The following CSMD2 variants were observed in gnomAD, a reference collection of about 807,000 sequenced individuals.
CSMD2 encodes the protein CUB and Sushi multiple domains 2.
In CSMD2, 130 loss-of-function variants were observed where a neutral mutation model predicts 398.5. The ratio of observed to expected loss-of-function variants is 0.33; its 90% CI spans 0.28 to 0.38. The LOEUF (loss-of-function observed/expected upper bound fraction) is 0.38. CSMD2 is among the 10% of genes least tolerant of loss of function. The probability of loss-of-function intolerance (pLI) is 1.00; values close to 1 mark genes in which losing one functional copy is unlikely to be tolerated. For synonymous variants in CSMD2, 1,828 were observed against 1,908.5 expected, an observed-to-expected ratio of 0.96 and a Z score of 1.10; for missense variants, 3,829 against 4,764.9, an observed-to-expected ratio of 0.80 and a Z score of 5.78.
intron 41 of CSMD2, among the ~76,000 whole-genome samples, chr1:33,609,414 G>A (rs114494069): frequency 2.0e-5 from 3 of 152,230 alleles, no homozygotes; most frequent in Non-Finnish European, 4.4e-5. Context: ...ATATAGGATG[G>A]TACTATTTAT....
intron 28 of CSMD2, among the ~76,000 whole-genome samples, chr1:33,648,635 A>G (rs528088258): frequency 6.6e-6 from 1 of 152,304 alleles, no homozygotes; most frequent in African/African-American, 2.4e-5. Flanking sequence ...GAATGATAAC[A>G]TCTGCTTCTT....
rs16835591 is a variant in CSMD2, at chr1:33,559,328, T to C, written c.8526A>G (p.Gln2842=). 0.16 allele frequency: 244,807 copies of C among 1,535,386 alleles called. 21,239 individuals are homozygous for C. Among genetic ancestry groups the C allele is most frequent in the East Asian group, 0.28 (11,287 of 40,882 alleles). ...TGCAGGTGGGCAGCATGTCACTCCATTGCCCGCTGGCCAGGCATTGGGACC... is the reference window on the plus strand; with the variant it reads ...TGCAGGTGGGCAGCATGTCACTCCACTGCCCGCTGGCCAGGCATTGGGACC... ...AARSQCLASG[Q]WSDMLPTCRI... is the part of the protein sequence containing the mutation. Residue 2842 remains glutamine (Q), a synonymous_variant, in exon 54 of 71, where the codon CAA becomes CAG. Coordinates refer to ENST00000373381, the MANE Select transcript of CSMD2 (RefSeq NM_001281956.2). The surrounding 1 kb of genome is among the most constrained non-coding windows in gnomAD (Gnocchi z 4.0).
intron 5 of CSMD2, among the ~76,000 whole-genome samples, chr1:33,901,851 T>A (rs1258914439): frequency 6.6e-6 from 1 of 152,210 alleles, no homozygotes. Flanking sequence ...ACCAAACCTA[T>A]ACGTCAAACA....
chr1:33,651,396 T>C (rs1356884383), intron 28 of CSMD2, among the ~76,000 whole-genome samples: 1 of 152,206 alleles, frequency 6.6e-6, no homozygotes, highest in Non-Finnish European at 1.5e-5. Context: ...ACATGCTCAT[T>C]TGCAGTGTCT....
chr1:33,554,184 CCTT>C (rs1191195835), intron 55 of CSMD2, among the ~76,000 whole-genome samples: 2 of 131,292 alleles, frequency 1.5e-5, no homozygotes, highest in African/African-American at 5.9e-5. Flanking sequence ...GAAAAAACAG[CCTT>C]TTTTTTTTTT....
At chr1:34,026,647 T>C (rs1649685610) in intron 3 of CSMD2, among the ~76,000 whole-genome samples, 1 of 152,238 alleles carries the variant, frequency 6.6e-6, no homozygotes, top group Non-Finnish European at 1.5e-5. Flanking sequence ...CTCATTGGCA[T>C]TTCTGATCTG....
chr1:34,004,778 C>A (rs1315077206), intron 3 of CSMD2, among the ~76,000 whole-genome samples: 3 of 152,004 alleles, frequency 2.0e-5, no homozygotes, highest in Non-Finnish European at 4.4e-5. Context: ...ATTCCTATGG[C>A]CTGGTCAAAT....
chr1:33,657,945 C>T lies in CSMD2; in HGVS notation c.4447+1G>A. 6.2e-7 allele frequency: 1 copy of T among 1,612,388 alleles called. No individual in the cohort carries two copies. The highest frequency in any genetic ancestry group is 8.5e-7 in the Non-Finnish European group (1 of 1,178,718). On this transcript the variant is annotated splice_donor_variant, in intron 27 of 70. Coordinates refer to ENST00000373381, the MANE Select transcript of CSMD2 (RefSeq NM_001281956.2). LOFTEE classifies it high-confidence loss of function. Reference sequence around the variant, plus strand: ...GAGTGCACCCTGCAGCTGCTTTGTACCGATGCATGTTGGCGGGCTGGGCTG... The same window carrying T: ...GAGTGCACCCTGCAGCTGCTTTGTATCGATGCATGTTGGCGGGCTGGGCTG...
chr1:34,080,974 G>GAAAGAAAGAAAGAAAGAAAGAAAT (rs869103745), intron 2 of CSMD2, among the ~76,000 whole-genome samples: 1 of 140,576 alleles, frequency 7.1e-6, no homozygotes, highest in Non-Finnish European at 1.6e-5. Flanking sequence ...AAGAAAGAAA[G>GAAAGAAAGAAAGAAAGAAAGAAAT]AAATGCACAG....
Position 33,714,771 on chromosome 1 carries a change from G to A in CSMD2, c.3222C>T (p.Tyr1074=), listed in dbSNP as rs138890302. The A allele has an allele frequency of 3.1e-4, 496 of 1,613,926 alleles. No homozygotes were observed. Among genetic ancestry groups the A allele is most frequent in the African/African-American group, 4.7e-4 (35 of 75,034 alleles). ...CGGGCTCCTCACAGGGCTCCAAGTC[G>A]TACTCTGGAAAGGTAGCAGGAGATC... The part of the protein sequence containing the change: ...YEGFNITFSE[Y]DLEPCEEPEV... The change falls in exon 21 of 71, where the codon TAC becomes TAT. Residue 1074 remains tyrosine, a synonymous_variant. Coordinates refer to ENST00000373381, the MANE Select transcript of CSMD2 (RefSeq NM_001281956.2).
rs1640922293 is a variant in CSMD2, at chr1:33,610,495, C to T, written c.6343+546G>A. On this transcript the variant is annotated intron_variant, in intron 41 of 70. Coordinates refer to ENST00000373381, the MANE Select transcript of CSMD2 (RefSeq NM_001281956.2). The stretch of plus-strand genomic sequence containing the variant: ...ATGGGGCTCTTTCCAGGGAATGTCC[C>T]AGAATGAGTGGGGCCGGTCACGGGA... Among the ~76,000 whole-genome samples, 3 of 151,230 alleles carry T rather than the reference C, an allele frequency of 2.0e-5. No individual in the cohort carries two copies. The South Asian group carries it at 6.3e-4, about 32-fold the overall frequency.
At chr1:33,783,886 T>G (rs1412765802) in intron 12 of CSMD2, among the ~76,000 whole-genome samples, 2 of 152,174 alleles carry the variant, frequency 1.3e-5, no homozygotes, top group Non-Finnish European at 1.5e-5. Context: ...GCCTTTGACT[T>G]TTTATTTGAG....
At chr1:33,546,452 G>A in intron 56 of CSMD2, among the ~76,000 whole-genome samples, 1 of 152,220 alleles carries the variant, frequency 6.6e-6, no homozygotes, top group East Asian at 1.9e-4. Context: ...GAAGCAAGAA[G>A]GCAGAGGAAA....
intron 2 of CSMD2, among the ~76,000 whole-genome samples, chr1:34,080,127 C>CA (rs201150922): frequency 0.12 from 8,903 of 76,510 alleles, 558 homozygotes; most frequent in African/African-American, 0.24. Context: ...GAATGTAAAG[C>CA]AAAAAAAAAA....
intron 1 of CSMD2, among the ~76,000 whole-genome samples, chr1:34,095,639 C>T (rs1659200866): frequency 6.6e-6 from 1 of 151,828 alleles, no homozygotes. Context: ...CACCTCTACG[C>T]AAATAAACTA....
At chr1:34,071,514 C>T (rs974732715) in intron 2 of CSMD2, among the ~76,000 whole-genome samples, 1 of 152,276 alleles carries the variant, frequency 6.6e-6, no homozygotes, top group Non-Finnish European at 1.5e-5. Flanking sequence ...AGGCTTCTCT[C>T]ATCTCCTGTC....
intron 10 of CSMD2, among the ~76,000 whole-genome samples, chr1:33,800,728 G>C (rs1655494236): frequency 6.6e-6 from 1 of 152,204 alleles, no homozygotes; most frequent in East Asian, 1.9e-4. Flanking sequence ...TTCAGCAACA[G>C]AGAAGGTGTG....
chr1:34,152,238 G>A (rs1640393717), intron 1 of CSMD2, among the ~76,000 whole-genome samples: 1 of 152,162 alleles, frequency 6.6e-6, no homozygotes, highest in Admixed American at 6.5e-5. Context: ...TTCATGGAAT[G>A]GGTTTCATGT....
chr1:33,537,966 G>A lies in CSMD2; in HGVS notation c.9632-357C>T, dbSNP rs1165297902. Among the ~76,000 whole-genome samples, 5 of 152,330 alleles carry A rather than the reference G, an allele frequency of 3.3e-5. No individual in the cohort carries two copies. The highest frequency in any genetic ancestry group is 7.2e-5 in the African/African-American group (3 of 41,574). Reference sequence around the variant, plus strand: ...TGTTCAGTTGTATGGAAACTTGTGCGGAGCGGCAAACCCAAGCCTATGTGA... The same window carrying A: ...TGTTCAGTTGTATGGAAACTTGTGCAGAGCGGCAAACCCAAGCCTATGTGA... On this transcript the variant is annotated intron_variant, in intron 60 of 70. Transcript: ENST00000373381. The surrounding 1 kb of genome is among the most constrained non-coding windows in gnomAD (Gnocchi z 4.6).
Sources: gnomAD v4.1 joint callset for allele counts (sites outside exome capture counted in the v4.1 genomes callset) on GRCh38, gnomAD v4.1.1 for gene constraint, Gnocchi (gnomAD v3.1) non-coding constraint, MANE v1.5 for transcripts, NCBI Gene and HGNC (gene_info 2026-07-23, HGNC 2026-07-21) for gene names.